Variants in CSGALNACT1 observed in about 807,000 individuals in gnomAD.
CSGALNACT1 encodes beta4GalNAcT-1.
A neutral mutation model predicts 51.0 loss-of-function variants in CSGALNACT1; 52 were observed. That is an observed-to-expected ratio of 1.02 (90% confidence interval 0.82 to 1.29). The LOEUF (loss-of-function observed/expected upper bound fraction) is 1.29. CSGALNACT1 is among the 50% of genes most tolerant of loss of function. The pLI is 0.00. For synonymous variants in CSGALNACT1, 341 were observed against 254.4 expected, an observed-to-expected ratio of 1.34 and a Z score of -3.24; for missense variants, 935 against 679.2, an observed-to-expected ratio of 1.38 and a Z score of -4.19.
chr8:19,677,917 C>T (rs1368464068), intron 1 of CSGALNACT1, among the ~76,000 whole-genome samples: 2 of 151,972 alleles, frequency 1.3e-5, no homozygotes, highest in Non-Finnish European at 2.9e-5. Flanking sequence ...TTCAATAAAA[C>T]AATTACTGGC....
chr8:19,426,412 T>C (rs2058783260), intron 6 of CSGALNACT1, among the ~76,000 whole-genome samples: 2 of 152,186 alleles, frequency 1.3e-5, no homozygotes, highest in Middle Eastern at 3.2e-3. Context: ...AAAAATACAC[T>C]GCAATATGGT....
rs530577968 is a variant in CSGALNACT1, at chr8:19,589,584, G to A, written c.-297+1576C>T. On this transcript the variant is annotated intron_variant, in intron 3 of 9. Coordinates refer to ENST00000454498, the Ensembl canonical transcript of CSGALNACT1. ...GACCTCAAGTGACCTTCCCACCTTG[G>A]CCTCCAAAAGTGCTGGGATTATAGG... 5.3e-5 allele frequency among the ~76,000 whole-genome samples: 8 copies of A among 152,248 alleles called. No individual in the cohort carries two copies. The South Asian group carries it at 1.7e-3, about 32-fold the overall frequency.
intron 3 of CSGALNACT1, among the ~76,000 whole-genome samples, chr8:19,590,016 G>A (rs955058407): frequency 1.3e-5 from 2 of 152,106 alleles, no homozygotes; most frequent in African/African-American, 4.8e-5. Context: ...GACCTCTCTA[G>A]GTTAGACATA....
chr8:19,727,099 G>C (rs1001646106), intron 1 of CSGALNACT1, among the ~76,000 whole-genome samples: 44 of 152,128 alleles, frequency 2.9e-4, no homozygotes, highest in Admixed American at 2.9e-3. Context: ...TCCTGGGGCT[G>C]AGGGAAGGCA....
chr8:19,405,995 G>C (rs375237590), exon 10 of CSGALNACT1: 1 of 1,614,196 alleles, frequency 6.2e-7, no homozygotes, highest in Non-Finnish European at 8.5e-7. Flanking sequence ...ACCACTATGA[G>C]GTTGCTGTGG....
chr8:19,578,057 G>T lies in CSGALNACT1; in HGVS notation c.-297+13103C>A, dbSNP rs576576526. 5.1e-4 allele frequency among the ~76,000 whole-genome samples: 78 copies of T among 152,222 alleles called. 1 individual carries two copies. The highest frequency in any genetic ancestry group is 8.7e-4 in the Non-Finnish European group (59 of 68,046). ...CACCACAGCTTGCTTTCACTCAGCA[G>T]ATGGGCTGGAACATGTTCCAGATCA... On this transcript the variant is annotated intron_variant, in intron 3 of 9. Transcript: ENST00000454498.
At chr8:19,617,147 T>C (rs1021763063) in intron 1 of CSGALNACT1, among the ~76,000 whole-genome samples, 14 of 152,212 alleles carry the variant, frequency 9.2e-5, no homozygotes, top group African/African-American at 2.4e-4. Context: ...ACCTAGATCC[T>C]TGACATGTGC....
chr8:19,713,762 G>A (rs1224694015), intron 1 of CSGALNACT1, among the ~76,000 whole-genome samples: 1 of 152,204 alleles, frequency 6.6e-6, no homozygotes, highest in Non-Finnish European at 1.5e-5. Flanking sequence ...CTTAATTCCA[G>A]ACATCCAGCC....
chr8:19,649,287 A>T (rs1289457656), intron 1 of CSGALNACT1, among the ~76,000 whole-genome samples: 1 of 151,884 alleles, frequency 6.6e-6, no homozygotes, highest in Non-Finnish European at 1.5e-5. Context: ...TTAGCTATGA[A>T]AGTACCCACA....
At chr8:19,672,821 A>G (rs1183209270) in intron 1 of CSGALNACT1, among the ~76,000 whole-genome samples, 1 of 152,232 alleles carries the variant, frequency 6.6e-6, no homozygotes, top group African/African-American at 2.4e-5. Flanking sequence ...GAACAAGAAA[A>G]TACTGCACTC....
At chr8:19,590,750 A>T (rs536036928) in intron 3 of CSGALNACT1, among the ~76,000 whole-genome samples, 3 of 147,352 alleles carry the variant, frequency 2.0e-5, no homozygotes, top group Non-Finnish European at 3.0e-5. Context: ...TCTGGGTTCA[A>T]GCAATTCTCC....
chr8:19,692,306 C>A (rs907584571), intron 1 of CSGALNACT1, among the ~76,000 whole-genome samples: 1 of 152,202 alleles, frequency 6.6e-6, no homozygotes, highest in Non-Finnish European at 1.5e-5. Flanking sequence ...GAGCCTCCTG[C>A]AATGTTACCT....
At chr8:19,460,488 C>T (rs1471007391) in intron 4 of CSGALNACT1, among the ~76,000 whole-genome samples, 1 of 152,158 alleles carries the variant, frequency 6.6e-6, no homozygotes, top group Non-Finnish European at 1.5e-5. Flanking sequence ...ATGTATCCCC[C>T]AGGATGAGGG....
At chr8:19,640,576 A>T (rs867930) in intron 1 of CSGALNACT1, among the ~76,000 whole-genome samples, 41,627 of 152,092 alleles carry the variant, frequency 0.27, 6,137 homozygotes, top group South Asian at 0.36. Context: ...TCCACTACAT[A>T]AGAAAATAAC....
At chr8:19,408,718 G>C (rs2054892448) in intron 8 of CSGALNACT1, 24 bp from the exon 8 acceptor site, 3 of 1,609,672 alleles carry the variant, frequency 1.9e-6, no homozygotes, top group Non-Finnish European at 2.6e-6. Flanking sequence ...ACTGTCATTT[G>C]AGGGGAAAGT....
intron 6 of CSGALNACT1, among the ~76,000 whole-genome samples, chr8:19,422,331 T>C (rs1458258865): frequency 1.3e-5 from 2 of 152,146 alleles, no homozygotes; most frequent in Admixed American, 6.5e-5. Context: ...TAGCTGGGAC[T>C]ACAAGTGCAT....
chr8:19,467,410 C>A (rs902502718), intron 4 of CSGALNACT1, among the ~76,000 whole-genome samples: 2 of 152,058 alleles, frequency 1.3e-5, no homozygotes, highest in Non-Finnish European at 2.9e-5. Flanking sequence ...CGTGAGCCAC[C>A]TCACCTGGCC....
Position 19,579,328 on chromosome 8 carries a change from C to T in CSGALNACT1, c.-297+11832G>A, listed in dbSNP as rs955917737. Among the ~76,000 whole-genome samples, 12 of 152,326 alleles carry T rather than the reference C, an allele frequency of 7.9e-5. 1 individual carries two copies. The South Asian group carries it at 1.9e-3, about 24-fold the overall frequency. ...CTTTTCAGTTCTTTAAATGAACCAA[C>T]TTCTTGGCTGACAGGGTCTGCAGCA... is the stretch of plus-strand genomic sequence containing the variant. On this transcript the variant is annotated intron_variant, in intron 3 of 9. Transcript: ENST00000454498.
At chr8:19,559,183 C>T (rs1321327580) in intron 3 of CSGALNACT1, among the ~76,000 whole-genome samples, 1 of 152,056 alleles carries the variant, frequency 6.6e-6, no homozygotes, top group Non-Finnish European at 1.5e-5. Context: ...GGATACAAAG[C>T]CCCACAATTT....
Sources: allele counts gnomAD v4.1 joint callset (sites outside exome capture counted in the v4.1 genomes callset), GRCh38; gene constraint gnomAD v4.1.1; transcripts MANE v1.5; gene names NCBI Gene and HGNC (gene_info 2026-07-23, HGNC 2026-07-21).